The following PRAG1 variants were observed in gnomAD, a reference collection of about 807,000 sequenced individuals.
The protein encoded by PRAG1 is PEAK1 related, kinase-activating pseudokinase 1.
PRAG1 carries 110 observed loss-of-function variants against 95.6 expected under a neutral mutation model. The observed-to-expected ratio is 1.15, with a 90% confidence interval of 0.99 to 1.35. PRAG1 has a LOEUF of 1.35. Among genes scored for constraint, PRAG1 ranks in the 40% most tolerant of loss-of-function variants. The pLI is 0.00. For synonymous variants in PRAG1, 1,052 were observed against 819.4 expected, an observed-to-expected ratio of 1.28 and a Z score of -4.85; for missense variants, 2,554 against 1,864.7, an observed-to-expected ratio of 1.37 and a Z score of -6.81.
At chr8:8,341,960 A>G (rs1376884598) in intron 3 of PRAG1, among the ~76,000 whole-genome samples, 1 of 151,936 alleles carries the variant, frequency 6.6e-6, no homozygotes, top group Non-Finnish European at 1.5e-5. Context: ...GGCCAACCCC[A>G]TCTCTACTAA....
At chr8:8,379,493 G>T (rs905912046) in intron 2 of PRAG1, among the ~76,000 whole-genome samples, 1 of 152,148 alleles carries the variant, frequency 6.6e-6, no homozygotes, top group Non-Finnish European at 1.5e-5. Context: ...CTGGAGAATG[G>T]GTGTAAGCAG....
At chr8:8,354,095 G>A (rs985434253) in intron 3 of PRAG1, among the ~76,000 whole-genome samples, 8 of 151,924 alleles carry the variant, frequency 5.3e-5, no homozygotes, top group Non-Finnish European at 1.2e-4. Context: ...AAATGAAAGT[G>A]GGGACATTGT....
intron 5 of PRAG1, among the ~76,000 whole-genome samples, chr8:8,324,007 G>C (rs1204706894): frequency 6.6e-6 from 1 of 152,180 alleles, no homozygotes; most frequent in East Asian, 1.9e-4. Flanking sequence ...ACAGGGGCAG[G>C]GATAGTCCTT....
Position 8,318,716 on chromosome 8 carries a change from G to T in PRAG1, c.3659C>A (p.Ala1220Asp). The T allele has an allele frequency of 6.2e-7, 1 of 1,609,554 alleles. No homozygotes were observed. Residue 1220 changes from alanine to aspartate, a missense_variant, in exon 6 of 6, where the codon GCC becomes GAC. Coordinates refer to ENST00000615670, the MANE Select transcript of PRAG1 (RefSeq NM_001080826.3). This position sits in a 1 kb window ranked among gnomAD's most constrained non-coding sequence, Gnocchi z 4.2. ...TGGGGTGCCGCCCGGCTTCTGCTTG[G>T]CCTTCAAAAAGTTGCTGATGATGAG... ...PRLIISNFLKAKQKPGGTPNL... is the reference protein window; with the variant it reads ...PRLIISNFLKDKQKPGGTPNL...
At position 8,381,780 on chromosome 8, in the gene PRAG1, C is replaced by T; in HGVS notation, c.-33G>A. 6.6e-7 allele frequency: 1 copy of T among 1,521,720 alleles called. No homozygotes were observed. Among genetic ancestry groups the T allele is most frequent in the Non-Finnish European group, 8.8e-7 (1 of 1,129,998 alleles). The allele number at this position is 1,521,720 out of a possible 1,614,324, so 94.3% of individuals were successfully genotyped here. The stretch of plus-strand genomic sequence containing the variant: ...CGACAGGGTGCTGGTTCATCTTGCG[C>T]CCGGCTCTCTGGTGCAGTTTTGTGG... On this transcript the variant is annotated 5_prime_UTR_variant, in exon 2 of 6. Coordinates refer to ENST00000615670, the MANE Select transcript of PRAG1 (RefSeq NM_001080826.3).
chr8:8,341,539 G>C (rs1799162953), intron 3 of PRAG1, among the ~76,000 whole-genome samples: 1 of 152,128 alleles, frequency 6.6e-6, no homozygotes, highest in African/African-American at 2.4e-5. Flanking sequence ...CTAAGGTTTT[G>C]TATTTCAAAA....
At chr8:8,370,760 G>T (rs929730292) in intron 3 of PRAG1, among the ~76,000 whole-genome samples, 4 of 152,134 alleles carry the variant, frequency 2.6e-5, no homozygotes, top group Non-Finnish European at 4.4e-5. Context: ...AGTTCCTCTG[G>T]TTACTGATGT....
At chr8:8,359,005 A>C (rs751301323) in intron 3 of PRAG1, among the ~76,000 whole-genome samples, 2 of 152,242 alleles carry the variant, frequency 1.3e-5, no homozygotes, top group Non-Finnish European at 2.9e-5. Flanking sequence ...TAGTTAAAGT[A>C]TATGTATATA....
At position 8,328,056 on chromosome 8, in the gene PRAG1, C is replaced by A. The variant is rs1489741442; in HGVS notation, c.2726G>T (p.Gly909Val). Reference sequence around the variant, plus strand: ...GGAGGGGGCCCCTTTGCACTGGAGGCCAGGGCTCCCGCAGCCGCCTCTGTT... The same window carrying A: ...GGAGGGGGCCCCTTTGCACTGGAGGACAGGGCTCCCGCAGCCGCCTCTGTT... ...AGNRGGCGSP[G>V]LQCKGAPSAS... The change falls in exon 5 of 6, where the codon GGC becomes GTC. Residue 909 changes from glycine (G) to valine (V), a missense_variant. Gly to Val is a moderately radical substitution (Grantham distance 109, BLOSUM62 -3). Coordinates refer to ENST00000615670, the MANE Select transcript of PRAG1 (RefSeq NM_001080826.3). 6.3e-7 allele frequency: 1 copy of A among 1,593,616 alleles called. No homozygotes were observed. The highest frequency in any genetic ancestry group is 1.3e-5 in the African/African-American group (1 of 74,628).
At position 8,363,503 on chromosome 8, in the gene PRAG1, G is replaced by T. The variant is rs554198218; in HGVS notation, c.2162+12744C>A. Among the ~76,000 whole-genome samples the T allele has an allele frequency of 3.3e-5, 5 of 152,278 alleles. No individual in the cohort carries two copies. The South Asian group carries it at 1.0e-3, about 32-fold the overall frequency. ...TACTGGATGATTCCATTTATATGAG[G>T]TACCTAGAGTAGTCAAATTCAGAGA... On this transcript the variant is annotated intron_variant, in intron 3 of 5. Transcript: ENST00000615670.
rs1164321241 is a variant in PRAG1, at chr8:8,376,498, G to A, written c.1911C>T (p.Cys637=). ...RFQAGTWSRQ[C]RIEEEEEVEQ... is the part of the protein sequence containing the mutation. ...CCACCTCCTCTTCTTCCTCTATCCG[G>A]CACTGACGACTCCAGGTGCCTGCCT... The change falls in exon 3 of 6, where the codon TGC becomes TGT. Residue 637 remains cysteine, a synonymous_variant. Coordinates refer to ENST00000615670, the MANE Select transcript of PRAG1 (RefSeq NM_001080826.3). 4 of 1,612,258 alleles carry A rather than the reference G, an allele frequency of 2.5e-6. No individual in the cohort carries two copies. In the African/African-American group the frequency reaches 4.0e-5, roughly 16 times the overall value.
chr8:8,367,183 C>G (rs1459339087), intron 3 of PRAG1, among the ~76,000 whole-genome samples: 1 of 151,736 alleles, frequency 6.6e-6, no homozygotes, highest in Non-Finnish European at 1.5e-5. Flanking sequence ...AATATGCAGT[C>G]ATAAAATCTT....
chr8:8,333,929 C>G (rs1798902212), intron 4 of PRAG1, among the ~76,000 whole-genome samples: 1 of 152,238 alleles, frequency 6.6e-6, no homozygotes, highest in South Asian at 2.1e-4. Context: ...CTAAAGCCAT[C>G]TGCACGGGCA....
Position 8,319,127 on chromosome 8 carries a change from T to C in PRAG1, c.3248A>G (p.Gln1083Arg). ...VPALPTHPPAQEQDCVVVITR... is the reference protein window; with the variant it reads ...VPALPTHPPAREQDCVVVITR... ...GATGACCACCACGCAGTCCTGCTCCTGGGCAGGGGGGTGTGTGGGCAGGGC... is the reference window on the plus strand; with the variant it reads ...GATGACCACCACGCAGTCCTGCTCCCGGGCAGGGGGGTGTGTGGGCAGGGC... Residue 1083 changes from glutamine to arginine, a missense_variant, in exon 6 of 6, where the codon CAG becomes CGG. Gln to Arg is a conservative substitution (Grantham distance 43). Transcript: ENST00000615670. 1 of 1,605,886 alleles carries C rather than the reference T, an allele frequency of 6.2e-7. No homozygotes were observed.
chr8:8,343,596 G>C (rs6601693), intron 3 of PRAG1, among the ~76,000 whole-genome samples: 1 of 152,080 alleles, frequency 6.6e-6, no homozygotes, highest in African/African-American at 2.4e-5. Context: ...GTTTCTTATT[G>C]TGGGTCATGG....
intron 4 of PRAG1, among the ~76,000 whole-genome samples, chr8:8,336,227 A>G (rs762265699): frequency 2.3e-4 from 35 of 152,328 alleles, no homozygotes; most frequent in Non-Finnish European, 3.5e-4. Flanking sequence ...TGCTGAACTG[A>G]ATTTTAATGG....
chr8:8,328,541 T>A (rs377379391), intron 4 of PRAG1, 80 bp from the exon 5 acceptor site: 2 of 1,031,848 alleles, frequency 1.9e-6, no homozygotes, highest in East Asian at 5.2e-5. Context: ...TTTCCCTTTA[T>A]TTATTTATTT....
intron 4 of PRAG1, among the ~76,000 whole-genome samples, chr8:8,330,161 T>A (rs1233170701): frequency 6.6e-6 from 1 of 150,978 alleles, no homozygotes; most frequent in Non-Finnish European, 1.5e-5. Context: ...AGCTCAGGAG[T>A]TCAAGACCAG....
At chr8:8,341,302 G>T (rs1334263295) in intron 3 of PRAG1, among the ~76,000 whole-genome samples, 1 of 152,114 alleles carries the variant, frequency 6.6e-6, no homozygotes, top group Non-Finnish European at 1.5e-5. Flanking sequence ...ACATGTGTAT[G>T]TATGAGCATA....
Sources: allele counts gnomAD v4.1 joint callset (sites outside exome capture counted in the v4.1 genomes callset), GRCh38; gene constraint gnomAD v4.1.1; non-coding constraint Gnocchi (gnomAD v3.1); transcripts MANE v1.5; gene names NCBI Gene and HGNC (gene_info 2026-07-23, HGNC 2026-07-21).